The following SH3GL2 variants were observed in gnomAD, a reference collection of about 807,000 sequenced individuals.
The protein encoded by SH3GL2 is endophilin-A1.
In SH3GL2, 24 loss-of-function variants were observed where a neutral mutation model predicts 46.0. The ratio of observed to expected loss-of-function variants is 0.52; its 90% CI spans 0.38 to 0.73. The LOEUF is 0.73. Ranked by LOEUF, SH3GL2 falls within the 30% of genes least tolerant of loss-of-function variation. The probability of loss-of-function intolerance (pLI) is 0.00; values close to 1 mark genes in which losing one functional copy is unlikely to be tolerated. For missense variants in SH3GL2, 413 were observed against 424.2 expected (o/e 0.97, Z 0.23); for synonymous variants, 196 against 147.1 (o/e 1.33, Z -2.40).
chr9:17,645,798 C>T (rs1819800295), intron 1 of SH3GL2, among the ~76,000 whole-genome samples: 1 of 152,088 alleles, frequency 6.6e-6, no homozygotes, highest in African/African-American at 2.4e-5. Flanking sequence ...ACTGCTTGCA[C>T]TTAACATTTT....
intron 1 of SH3GL2, among the ~76,000 whole-genome samples, chr9:17,587,337 A>G (rs1818397260): frequency 1.3e-5 from 2 of 152,174 alleles, no homozygotes; most frequent in African/African-American, 4.8e-5. Flanking sequence ...GCATTGTGAA[A>G]TCCCCTGCCT....
rs139037476 is a variant in SH3GL2, at chr9:17,711,554, T to A, written c.46-35512T>A. Among the ~76,000 whole-genome samples the A allele has an allele frequency of 4.3e-3, 652 of 152,004 alleles. 1 individual carries two copies. Among genetic ancestry groups the A allele is most frequent in the Non-Finnish European group, 5.2e-3 (351 of 67,872 alleles). Reference sequence around the variant, plus strand: ...TGAGTTTTCTAGAGTTTTGGATACCTGTAATCATATAATATTGTATTCCTT... The same window carrying A: ...TGAGTTTTCTAGAGTTTTGGATACCAGTAATCATATAATATTGTATTCCTT... On this transcript the variant is annotated intron_variant, in intron 1 of 8. Coordinates refer to ENST00000380607, the MANE Select transcript of SH3GL2 (RefSeq NM_003026.5).
At chr9:17,582,662 A>G (rs1818298413) in intron 1 of SH3GL2, among the ~76,000 whole-genome samples, 1 of 152,246 alleles carries the variant, frequency 6.6e-6, no homozygotes, top group African/African-American at 2.4e-5. Context: ...GAGCTGCTGT[A>G]ACAAAGTACT....
At chr9:17,647,758 C>A (rs1343164981) in intron 1 of SH3GL2, among the ~76,000 whole-genome samples, 1 of 152,136 alleles carries the variant, frequency 6.6e-6, no homozygotes, top group Admixed American at 6.5e-5. Context: ...CATGTAAGCA[C>A]TCACCAACTC....
At chr9:17,601,356 A>C (rs1818668907) in intron 1 of SH3GL2, among the ~76,000 whole-genome samples, 1 of 152,180 alleles carries the variant, frequency 6.6e-6, no homozygotes, top group Non-Finnish European at 1.5e-5. Flanking sequence ...ACTTAGAAGC[A>C]GCTTGCTGCT....
intron 1 of SH3GL2, among the ~76,000 whole-genome samples, chr9:17,636,759 G>A (rs114644878): frequency 6.6e-6 from 1 of 152,104 alleles, no homozygotes; most frequent in African/African-American, 2.4e-5. Context: ...TCCACTGTAC[G>A]TACTACTTAC....
chr9:17,759,552 C>T (rs1823108698), intron 2 of SH3GL2, among the ~76,000 whole-genome samples: 1 of 152,162 alleles, frequency 6.6e-6, no homozygotes, highest in South Asian at 2.1e-4. Context: ...TTCTTAACCC[C>T]TCTGTATCTG....
At chr9:17,689,369 TAAAG>T (rs906417191) in intron 1 of SH3GL2, among the ~76,000 whole-genome samples, 10 of 152,160 alleles carry the variant, frequency 6.6e-5, no homozygotes, top group African/African-American at 9.6e-5. Context: ...CACTAGGTAA[TAAAG>T]AAGCAAATCT....
intron 1 of SH3GL2, among the ~76,000 whole-genome samples, chr9:17,613,271 T>C (rs1193688482): frequency 6.6e-6 from 1 of 152,224 alleles, no homozygotes; most frequent in Non-Finnish European, 1.5e-5. Flanking sequence ...ATTAGTATTT[T>C]CCATTTGTAA....
chr9:17,712,868 C>T (rs1022925815), intron 1 of SH3GL2, among the ~76,000 whole-genome samples: 11 of 136,716 alleles, frequency 8.0e-5, no homozygotes, highest in African/African-American at 3.4e-4. Context: ...CCCACTCACT[C>T]ATCCATCTCA....
chr9:17,775,067 G>T (rs971979980), intron 3 of SH3GL2, among the ~76,000 whole-genome samples: 1 of 151,206 alleles, frequency 6.6e-6, no homozygotes, highest in Non-Finnish European at 1.5e-5. Flanking sequence ...GTTCATTGTT[G>T]TGCAGTTGTT....
At chr9:17,608,787 A>G (rs1437944810) in intron 1 of SH3GL2, among the ~76,000 whole-genome samples, 1 of 152,220 alleles carries the variant, frequency 6.6e-6, no homozygotes, top group Non-Finnish European at 1.5e-5. Flanking sequence ...GAAATTAGGT[A>G]GGGGGAACAT....
At chr9:17,765,630 C>A (rs904614127) in intron 3 of SH3GL2, among the ~76,000 whole-genome samples, 1 of 152,308 alleles carries the variant, frequency 6.6e-6, no homozygotes, top group Non-Finnish European at 1.5e-5. Context: ...TCAGCCTGCC[C>A]TTTCCCCAAC....
At chr9:17,716,995 C>T (rs992627863) in intron 1 of SH3GL2, among the ~76,000 whole-genome samples, 11 of 152,108 alleles carry the variant, frequency 7.2e-5, no homozygotes, top group Non-Finnish European at 1.5e-4. Flanking sequence ...AACCTAGTCC[C>T]TCTCACTCCA....
At chr9:17,679,007 C>G (rs892932411) in intron 1 of SH3GL2, among the ~76,000 whole-genome samples, 2 of 152,048 alleles carry the variant, frequency 1.3e-5, no homozygotes, top group South Asian at 2.1e-4. Flanking sequence ...ATTTTGGTAC[C>G]AGTACCATGC....
At chr9:17,716,813 C>G (rs1821772608) in intron 1 of SH3GL2, among the ~76,000 whole-genome samples, 1 of 152,110 alleles carries the variant, frequency 6.6e-6, no homozygotes, top group Non-Finnish European at 1.5e-5. Flanking sequence ...TGGAAAATCT[C>G]TCAAAGCAGT....
chr9:17,744,215 G>A lies in SH3GL2; in HGVS notation c.46-2851G>A, dbSNP rs1315517736. On this transcript the variant is annotated intron_variant, in intron 1 of 8. Transcript: ENST00000380607. Reference sequence around the variant, plus strand: ...GGGGACTGACATGTGAGCCAGAACTGTTGTCACTGAGCAAAATGAGAGATA... The same window carrying A: ...GGGGACTGACATGTGAGCCAGAACTATTGTCACTGAGCAAAATGAGAGATA... Among the ~76,000 whole-genome samples the A allele has an allele frequency of 3.3e-5, 5 of 152,150 alleles. No individual in the cohort carries two copies. In the East Asian group the frequency reaches 9.6e-4, roughly 29 times the overall value.
In SH3GL2 at chr9:17,761,445, T is replaced by C; in HGVS notation, c.123T>C (p.Asp41=). ...DDFKEMERKV[D]VTSRAVMEIM... Reference sequence around the variant, plus strand: ...TTATTTTCTCATTTCAGAAAGTGGATGTCACCAGCAGGGCTGTGATGGAAA... The same window carrying C: ...TTATTTTCTCATTTCAGAAAGTGGACGTCACCAGCAGGGCTGTGATGGAAA... Residue 41 remains aspartate (D), a synonymous_variant, in exon 3 of 9, where the codon GAT becomes GAC. Transcript: ENST00000380607. 6.2e-7 allele frequency: 1 copy of C among 1,602,322 alleles called. No individual in the cohort carries two copies. The highest frequency in any genetic ancestry group is 1.3e-5 in the African/African-American group (1 of 74,808).
At chr9:17,715,924 T>C (rs1364269145) in intron 1 of SH3GL2, among the ~76,000 whole-genome samples, 1 of 152,058 alleles carries the variant, frequency 6.6e-6, no homozygotes, top group African/African-American at 2.4e-5. Context: ...GTTTATTGAA[T>C]ACTGTACTGA....
Sources: allele counts gnomAD v4.1 joint callset (sites outside exome capture counted in the v4.1 genomes callset), GRCh38; gene constraint gnomAD v4.1.1; transcripts MANE v1.5; gene names NCBI Gene and HGNC (gene_info 2026-07-23, HGNC 2026-07-21).